Variants in PRDM6 observed in about 807,000 individuals in gnomAD.
PRDM6 encodes the protein PR/SET domain 6.
A neutral mutation model predicts 60.8 loss-of-function variants in PRDM6; 25 were observed. That is an observed-to-expected ratio of 0.41 (90% CI 0.30 to 0.57). The LOEUF is 0.57. Among genes scored for constraint, PRDM6 ranks in the 20% least tolerant of loss-of-function variants. The pLI is 0.27. For missense variants in PRDM6, 839 were observed against 821.3 expected, an observed-to-expected ratio of 1.02 and a Z score of -0.26; for synonymous variants, 407 against 357.4, an observed-to-expected ratio of 1.14 and a Z score of -1.57.
At chr5:123,185,174 A>G (rs1766257042) in intron 7 of PRDM6, among the ~76,000 whole-genome samples, 1 of 152,214 alleles carries the variant, frequency 6.6e-6, no homozygotes, top group African/African-American at 2.4e-5. Context: ...TATATGAAGC[A>G]CTAAACTGCC....
intron 3 of PRDM6, among the ~76,000 whole-genome samples, chr5:123,142,877 C>CAAAAAAAAAAAAAAAA: frequency 2.9e-4 from 8 of 27,368 alleles, no homozygotes; most frequent in Non-Finnish European, 5.1e-4. Flanking sequence ...CAGTGAAGAC[C>CAAAAAAAAAAAAAAAA]AAAAAAAAAA....
At chr5:123,154,252 G>A (rs1765442601) in intron 3 of PRDM6, among the ~76,000 whole-genome samples, 1 of 152,120 alleles carries the variant, frequency 6.6e-6, no homozygotes, top group South Asian at 2.1e-4. Context: ...AGCAGATGTA[G>A]CCACCCCATG....
chr5:123,128,193 A>G (rs1396687745), intron 3 of PRDM6, among the ~76,000 whole-genome samples: 1 of 152,166 alleles, frequency 6.6e-6, no homozygotes, highest in Non-Finnish European at 1.5e-5. Context: ...GTTGGTTCCA[A>G]GTCTTTGCTA....
chr5:123,094,432 T>TTCTCTCTCTCTCTCTCTCTCTCTC (rs3037346), intron 2 of PRDM6, among the ~76,000 whole-genome samples: 51 of 148,054 alleles, frequency 3.4e-4, no homozygotes, highest in Non-Finnish European at 6.0e-4. Flanking sequence ...GCTTTTGTGT[T>TTCTCTCTCTCTCTCTCTCTCTCTC]TCTCTCTCTC....
At chr5:123,141,867 G>A (rs1396849431) in intron 3 of PRDM6, among the ~76,000 whole-genome samples, 1 of 152,100 alleles carries the variant, frequency 6.6e-6, no homozygotes, top group Non-Finnish European at 1.5e-5. Flanking sequence ...TCTGTAATAT[G>A]TCATCTTACA....
chr5:123,134,264 C>T (rs543800889), intron 3 of PRDM6, among the ~76,000 whole-genome samples: 17 of 152,128 alleles, frequency 1.1e-4, no homozygotes, highest in Admixed American at 4.6e-4. Flanking sequence ...ACAATGGTAA[C>T]GGCCTTAGTT....
chr5:123,090,331 C>A lies in PRDM6; in HGVS notation c.317C>A (p.Ala106Asp). Reference sequence around the variant, plus strand: ...GCTGCGGCCGCTGCCGCCGCGCTGGCTGGTCTCTCGGCCCTGCCGGTGTCG... The same window carrying A: ...GCTGCGGCCGCTGCCGCCGCGCTGGATGGTCTCTCGGCCCTGCCGGTGTCG... ...CAAAAAAAAL[A>D]GLSALPVSQL... The change falls in exon 2 of 8, where the codon GCT becomes GAT. Residue 106 changes from alanine (A) to aspartate (D), a missense_variant. Physicochemically the swap from Ala to Asp is moderately radical, Grantham distance 126. This residue lies in a region of PRDM6 where 730 missense variants were observed against 648.8 expected (regional missense o/e 1.13). Coordinates refer to ENST00000407847, the MANE Select transcript of PRDM6 (RefSeq NM_001136239.4). 1 of 1,480,046 alleles carries A rather than the reference C, an allele frequency of 6.8e-7. No individual in the cohort carries two copies. The highest frequency in any genetic ancestry group is 8.9e-7 in the Non-Finnish European group (1 of 1,118,866). The allele number at this position is 1,480,046 out of a possible 1,614,324, so 91.7% of individuals were successfully genotyped here.
chr5:123,159,751 C>A, intron 5 of PRDM6, 113 bp downstream of exon 5: 2 of 984,928 alleles, frequency 2.0e-6, no homozygotes, highest in Non-Finnish European at 3.0e-6. Context: ...ATAAGTAACA[C>A]AAACATATAC....
intron 3 of PRDM6, among the ~76,000 whole-genome samples, chr5:123,125,847 C>T (rs1286021411): frequency 1.3e-5 from 2 of 152,172 alleles, no homozygotes; most frequent in East Asian, 1.9e-4. Flanking sequence ...AGACACTGTC[C>T]TCTAACATGC....
chr5:123,158,653 G>A (rs1400951124), intron 4 of PRDM6, among the ~76,000 whole-genome samples: 4 of 152,080 alleles, frequency 2.6e-5, no homozygotes, highest in Admixed American at 1.3e-4. Context: ...AGAAGCATTC[G>A]CCTTATGTCT....
intron 3 of PRDM6, among the ~76,000 whole-genome samples, chr5:123,117,440 C>T (rs1027973142): frequency 6.6e-6 from 1 of 152,104 alleles, no homozygotes; most frequent in Non-Finnish European, 1.5e-5. Flanking sequence ...AAGGCAGTGG[C>T]TTCTACTTCC....
intron 3 of PRDM6, among the ~76,000 whole-genome samples, chr5:123,113,365 A>G (rs1174461726): frequency 6.6e-6 from 1 of 152,240 alleles, no homozygotes; most frequent in East Asian, 1.9e-4. Context: ...TCTGATTGCA[A>G]TAACGAGAGC....
At chr5:123,110,688 T>C (rs1489999099) in intron 3 of PRDM6, among the ~76,000 whole-genome samples, 1 of 150,590 alleles carries the variant, frequency 6.6e-6, no homozygotes, top group Non-Finnish European at 1.5e-5. Flanking sequence ...CTGCCTCAGC[T>C]CCTGAGTAGC....
chr5:123,167,189 T>C (rs1265522847), intron 5 of PRDM6, among the ~76,000 whole-genome samples: 1 of 152,100 alleles, frequency 6.6e-6, no homozygotes, highest in Non-Finnish European at 1.5e-5. Flanking sequence ...AGTGGCATGA[T>C]CATATACAAT....
rs894058269 is a variant in PRDM6, at chr5:123,190,699, G to T, written c.*3498G>T. ...CAAAGATTTATACGAACATTTAGCA[G>T]TTCATCAATTTTTAAATCAGATGTT... On this transcript the variant is annotated 3_prime_UTR_variant, in exon 8 of 8. Transcript: ENST00000407847. 1.8e-4 allele frequency: 27 copies of T among 152,080 alleles called. 1 individual carries two copies. The highest frequency in any genetic ancestry group is 6.5e-4 in the African/African-American group (27 of 41,390). 9.4% of individuals were successfully genotyped at this position (152,080 alleles called of 1,614,324 possible). A position where few individuals can be genotyped will look rare whatever the true frequency, so the allele number is the denominator to read the frequency against.
intron 3 of PRDM6, among the ~76,000 whole-genome samples, chr5:123,150,418 CTT>C (rs1483905532): frequency 6.6e-6 from 1 of 152,114 alleles, no homozygotes; most frequent in African/African-American, 2.4e-5. Flanking sequence ...CACCGTTCAC[CTT>C]TTAAAAATCT....
At chr5:123,136,047 C>A (rs1203445882) in intron 3 of PRDM6, among the ~76,000 whole-genome samples, 1 of 152,022 alleles carries the variant, frequency 6.6e-6, no homozygotes, top group Non-Finnish European at 1.5e-5. Context: ...AGAAATGAAA[C>A]TTTCTTGTTG....
At chr5:123,183,588 T>A (rs1766214956) in intron 7 of PRDM6, among the ~76,000 whole-genome samples, 1 of 152,116 alleles carries the variant, frequency 6.6e-6, no homozygotes, top group Non-Finnish European at 1.5e-5. Flanking sequence ...ATTTCTAAGA[T>A]AAAGGAGCAT....
chr5:123,130,260 CCCTCCCTTTCCTTT>C (rs1764800923), intron 3 of PRDM6, among the ~76,000 whole-genome samples: 1 of 86,938 alleles, frequency 1.2e-5, no homozygotes, highest in Non-Finnish European at 2.4e-5. Context: ...CCCTTCCCTT[CCCTCCCTTTCCTTT>C]CCTCTCCCCT....
Sources: gnomAD v4.1 joint callset for allele counts (sites outside exome capture counted in the v4.1 genomes callset) on GRCh38, gnomAD v4.1.1 for gene constraint, gnomAD v4.1.1 regional missense constraint, MANE v1.5 for transcripts, NCBI Gene and HGNC (gene_info 2026-07-23, HGNC 2026-07-21) for gene names.